PATJ: variants seen among roughly 807,000 people sequenced by gnomAD.
The protein encoded by PATJ is inaD-like protein.
In PATJ, 190 loss-of-function variants were observed where a neutral mutation model predicts 224.9. The observed-to-expected ratio is 0.84, with a 90% CI of 0.75 to 0.95. The LOEUF (loss-of-function observed/expected upper bound fraction) is 0.95. Among genes scored for constraint, PATJ ranks in the 40% least tolerant of loss-of-function variants. The pLI, the probability that PATJ is intolerant of heterozygous loss-of-function variation, is 0.00. For missense variants in PATJ, 2,121 were observed against 2,270.3 expected (o/e 0.93, Z 1.34); for synonymous variants, 769 against 820.3 (o/e 0.94, Z 1.07).
intron 24 of PATJ, among the ~76,000 whole-genome samples, chr1:61,905,063 A>C (rs1671679249): frequency 7.1e-6 from 1 of 140,584 alleles, no homozygotes; most frequent in Admixed American, 7.5e-5. Flanking sequence ...TCTACAAAGA[A>C]ACTACCACTT....
rs566258796 is a variant in PATJ at position 61,769,256 on chromosome 1, CT to C, written c.385-17del. 6,551 of 1,256,748 alleles carry C rather than the reference CT, an allele frequency of 5.2e-3. 1 individual carries two copies. The highest frequency in any genetic ancestry group is 0.012 in the South Asian group (784 of 65,374). The allele number at this position is 1,256,748 out of a possible 1,614,324, so 77.8% of individuals were successfully genotyped here. On this transcript the variant is annotated intron_variant, in intron 4 of 43. Coordinates refer to ENST00000642238, the MANE Select transcript of PATJ (RefSeq NM_001350145.3). ...ATGTTGGCTAAATGTACACCATTGA[CT>C]TTTTTTTTTAACGCTCCTTCATTAG...
chr1:62,121,352 A>AAAAAG, intron 38 of PATJ, 57 bp downstream of exon 38: 1 of 1,127,760 alleles, frequency 8.9e-7, no homozygotes, highest in East Asian at 2.4e-5. Context: ...TAAAAAAAAA[A>AAAAAG]AATGTGTTTT....
chr1:61,753,648 T>TAGG (rs1298422596), intron 1 of PATJ, among the ~76,000 whole-genome samples: 8 of 151,950 alleles, frequency 5.3e-5, no homozygotes, highest in Non-Finnish European at 1.2e-4. Flanking sequence ...TAGCTGGGAT[T>TAGG]ACAGGTGTGC....
intron 27 of PATJ, among the ~76,000 whole-genome samples, chr1:61,965,080 C>G (rs1343364644): frequency 7.9e-6 from 1 of 125,948 alleles, no homozygotes; most frequent in Non-Finnish European, 1.5e-5. Context: ...TGAGAGTGCA[C>G]CACTGTATTC....
chr1:62,032,507 G>A (rs1427816339), intron 29 of PATJ, among the ~76,000 whole-genome samples: 1 of 152,172 alleles, frequency 6.6e-6, no homozygotes, highest in African/African-American at 2.4e-5. Context: ...AATTATGGAA[G>A]TGAAATTTGT....
intron 27 of PATJ, among the ~76,000 whole-genome samples, chr1:61,980,790 G>A (rs1644411999): frequency 6.6e-6 from 1 of 152,082 alleles, no homozygotes; most frequent in African/African-American, 2.4e-5. Flanking sequence ...GCAACAGTTT[G>A]TGCTGACTCA....
intron 29 of PATJ, among the ~76,000 whole-genome samples, chr1:62,023,204 C>T (rs1647186332): frequency 6.6e-6 from 1 of 151,130 alleles, no homozygotes; most frequent in African/African-American, 2.4e-5. Context: ...GCAGGAGAAT[C>T]ACTTGAACCC....
At chr1:61,960,050 TG>T (rs1249953303) in intron 27 of PATJ, among the ~76,000 whole-genome samples, 2 of 152,102 alleles carry the variant, frequency 1.3e-5, no homozygotes, top group Non-Finnish European at 2.9e-5. Flanking sequence ...AAGTAAATGA[TG>T]TTTCATGGTT....
At chr1:61,756,563 CTTTTTTTT>C (rs370667808) in intron 1 of PATJ, among the ~76,000 whole-genome samples, 8 of 65,622 alleles carry the variant, frequency 1.2e-4, no homozygotes, top group Admixed American at 2.1e-4. Context: ...AACCAGGACA[CTTTTTTTT>C]TTTTTTTTTT....
In PATJ at chr1:61,993,022, A is replaced by T. The variant is rs1645156004; in HGVS notation, c.3867+2658A>T. ...TATCCTATGATTCAATTCAATTCTG[A>T]CACTAGGTACCTGGAGACAGCGTCA... On this transcript the variant is annotated intron_variant, in intron 28 of 43. Transcript: ENST00000642238. Among the ~76,000 whole-genome samples, 4 of 152,136 alleles carry T rather than the reference A, an allele frequency of 2.6e-5. 1 individual carries two copies. The South Asian group carries it at 8.3e-4, about 32-fold the overall frequency.
At chr1:61,812,074 T>C (rs910105833) in intron 14 of PATJ, among the ~76,000 whole-genome samples, 3 of 151,666 alleles carry the variant, frequency 2.0e-5, no homozygotes, top group Non-Finnish European at 4.4e-5. Context: ...AAAAAAACAC[T>C]ATATTTTTCA....
At chr1:62,084,853 C>CA (rs1326364119) in intron 33 of PATJ, among the ~76,000 whole-genome samples, 2 of 152,174 alleles carry the variant, frequency 1.3e-5, no homozygotes, top group Non-Finnish European at 2.9e-5. Context: ...CGCGGTGGCT[C>CA]ACACTTATAA....
At chr1:61,831,905 G>A (rs963184759) in intron 16 of PATJ, among the ~76,000 whole-genome samples, 1 of 152,122 alleles carries the variant, frequency 6.6e-6, no homozygotes, top group African/African-American at 2.4e-5. Context: ...ATTCCCAATA[G>A]CAAAGACATG....
At chr1:61,907,940 A>C (rs1340839042) in intron 24 of PATJ, among the ~76,000 whole-genome samples, 1 of 152,192 alleles carries the variant, frequency 6.6e-6, no homozygotes, top group Non-Finnish European at 1.5e-5. Context: ...TCAACTACTC[A>C]ATTGTGATAA....
chr1:61,748,498 C>T (rs1288253642), intron 1 of PATJ, among the ~76,000 whole-genome samples: 1 of 151,806 alleles, frequency 6.6e-6, no homozygotes, highest in South Asian at 2.1e-4. Context: ...TCAAGTGATA[C>T]GCCCGCCTCA....
intron 33 of PATJ, among the ~76,000 whole-genome samples, chr1:62,106,272 C>T (rs1663036218): frequency 2.8e-5 from 4 of 140,446 alleles, no homozygotes; most frequent in Admixed American, 2.2e-4. Context: ...GAGGTTGAGA[C>T]CAGCATGGGC....
At chr1:62,155,839 C>T (rs564055691) in intron 43 of PATJ, among the ~76,000 whole-genome samples, 33 of 151,230 alleles carry the variant, frequency 2.2e-4, no homozygotes, top group Admixed American at 2.0e-3. Context: ...AGGCAGATCA[C>T]GAGGTCCGGA....
At chr1:61,952,211 A>T (rs969601104) in intron 27 of PATJ, 32 of 514,848 alleles carry the variant, frequency 6.2e-5, no homozygotes, top group Non-Finnish European at 1.1e-4. Flanking sequence ...GCTTTTCCTG[A>T]TATAAATAGA....
At chr1:61,831,718 A>T (rs1659358073) in intron 16 of PATJ, among the ~76,000 whole-genome samples, 1 of 152,222 alleles carries the variant, frequency 6.6e-6, no homozygotes, top group African/African-American at 2.4e-5. Flanking sequence ...GGAAACAATT[A>T]GCACTGCTGG....
Sources: gnomAD v4.1 joint callset for allele counts (sites outside exome capture counted in the v4.1 genomes callset) on GRCh38, gnomAD v4.1.1 for gene constraint, MANE v1.5 for transcripts, NCBI Gene and HGNC (gene_info 2026-07-23, HGNC 2026-07-21) for gene names.